PIK3C2G: variants seen among roughly 807,000 people sequenced by gnomAD.
The protein encoded by PIK3C2G is phosphatidylinositol 3-kinase C2 domain-containing subunit gamma.
PIK3C2G carries 168 observed loss-of-function variants against 181.1 expected under a neutral mutation model. The observed-to-expected ratio is 0.93, with a 90% CI of 0.82 to 1.05. The LOEUF (loss-of-function observed/expected upper bound fraction) is 1.05, where lower values mean the gene tolerates loss of function less well. PIK3C2G is among the 50% of genes least tolerant of loss of function. The pLI is 0.00. For synonymous variants in PIK3C2G, 573 were observed against 592.2 expected (o/e 0.97, Z 0.47); for missense variants, 1,869 against 1,732.8 (o/e 1.08, Z -1.40).
chr12:18,282,644 C>T lies in PIK3C2G; in HGVS notation c.563C>T (p.Pro188Leu), dbSNP rs747513676. ...TNSSFSSDFMPKEENKRSGHV... is the reference protein window; with the variant it reads ...TNSSFSSDFMLKEENKRSGHV... ...TCATCCTTCTCAAGTGACTTCATGC[C>T]GAAAGAAGAGAATAAAAGGAGTGGA... The change falls in exon 2 of 33, where the codon CCG (proline) becomes CTG (leucine). Residue 188 changes from proline to leucine, a missense_variant. Transcript: ENST00000538779. The T allele has an allele frequency of 4.2e-5, 68 of 1,612,856 alleles. 1 individual carries two copies. Among genetic ancestry groups the T allele is most frequent in the African/African-American group, 8.0e-5 (6 of 74,830 alleles).
chr12:18,669,697 A>C, the PIK3C2G span, among the ~76,000 whole-genome samples: 1 of 151,570 alleles, frequency 6.6e-6, no homozygotes, highest in East Asian at 1.9e-4. Context: ...TCGCTCTGTC[A>C]CCCAGGCTAG....
chr12:18,449,797 T>C (rs1947248644), intron 18 of PIK3C2G, among the ~76,000 whole-genome samples: 1 of 152,200 alleles, frequency 6.6e-6, no homozygotes, highest in Non-Finnish European at 1.5e-5. Context: ...GAGTGATTTG[T>C]ATTCCTTTGG....
intron 24 of PIK3C2G, among the ~76,000 whole-genome samples, chr12:18,521,983 G>C (rs921736021): frequency 6.6e-6 from 1 of 152,088 alleles, no homozygotes; most frequent in Admixed American, 6.6e-5. Flanking sequence ...CCCTTGGCTG[G>C]GGGGTGGGGG....
At chr12:18,701,560 G>C in the PIK3C2G span, 1 of 1,613,424 alleles carries the variant, frequency 6.2e-7, no homozygotes, top group African/African-American at 1.3e-5. Flanking sequence ...TCCTTGTCTT[G>C]ATTGTCTCCT....
At chr12:18,719,616 T>C in the PIK3C2G span, 1 of 1,600,738 alleles carries the variant, frequency 6.2e-7, no homozygotes, top group Non-Finnish European at 8.5e-7. Flanking sequence ...CTAATGACAT[T>C]TGGTGTGCTT....
chr12:18,273,079 G>T (rs1023477033), intron 1 of PIK3C2G, among the ~76,000 whole-genome samples: 1 of 151,774 alleles, frequency 6.6e-6, no homozygotes, highest in African/African-American at 2.4e-5. Context: ...GAGATGCTGG[G>T]GATGCTAGAA....
the PIK3C2G span, chr12:18,705,406 T>G: frequency 6.7e-7 from 1 of 1,494,708 alleles, no homozygotes; most frequent in Non-Finnish European, 9.3e-7. Context: ...TTTTAAAACT[T>G]ACTTCTAACG....
the PIK3C2G span, among the ~76,000 whole-genome samples, chr12:18,655,851 G>A: frequency 2.0e-5 from 3 of 151,358 alleles, no homozygotes; most frequent in African/African-American, 7.3e-5. Context: ...AAAAAGCAAA[G>A]AATGCCTGAG....
intron 29 of PIK3C2G, among the ~76,000 whole-genome samples, chr12:18,574,723 G>A (rs1946141873): frequency 6.6e-6 from 1 of 152,160 alleles, no homozygotes; most frequent in African/African-American, 2.4e-5. Flanking sequence ...CATTGTAACA[G>A]TAGGAAAACA....
chr12:18,448,407 G>C (rs1404602941), intron 18 of PIK3C2G, among the ~76,000 whole-genome samples: 2 of 152,064 alleles, frequency 1.3e-5, no homozygotes, highest in African/African-American at 4.8e-5. Flanking sequence ...TTTGGGATAA[G>C]AGCACTTAAA....
chr12:18,703,319 G>C, the PIK3C2G span, among the ~76,000 whole-genome samples: 1 of 152,002 alleles, frequency 6.6e-6, no homozygotes, highest in South Asian at 2.1e-4. Flanking sequence ...CTTGTCACTA[G>C]TGTCACAACA....
chr12:18,337,983 G>A (rs758972435), intron 8 of PIK3C2G, among the ~76,000 whole-genome samples: 1 of 152,096 alleles, frequency 6.6e-6, no homozygotes, highest in Non-Finnish European at 1.5e-5. Context: ...CAAACAATAG[G>A]TGTATTTTGA....
chr12:18,476,631 C>G (rs1263981919), intron 18 of PIK3C2G, among the ~76,000 whole-genome samples: 1 of 151,838 alleles, frequency 6.6e-6, no homozygotes. Context: ...GAAGGTAAAC[C>G]TAATAGGACA....
At chr12:18,312,428 A>G (rs1950677965) in intron 5 of PIK3C2G, among the ~76,000 whole-genome samples, 1 of 152,188 alleles carries the variant, frequency 6.6e-6, no homozygotes, top group South Asian at 2.1e-4. Context: ...ATGGGTCACT[A>G]TTCTTAAGTC....
chr12:18,596,800 G>A (rs187288855), intron 30 of PIK3C2G, among the ~76,000 whole-genome samples: 2 of 152,126 alleles, frequency 1.3e-5, no homozygotes, highest in Non-Finnish European at 2.9e-5. Flanking sequence ...CTAGCTACTC[G>A]CTCTGGCAGA....
At position 18,570,709 on chromosome 12, in the gene PIK3C2G, A is replaced by G. The variant is rs138257034; in HGVS notation, c.4011+3652A>G. On this transcript the variant is annotated intron_variant, in intron 29 of 32. Coordinates refer to ENST00000538779, the MANE Select transcript of PIK3C2G (RefSeq NM_001288772.2). Reference sequence around the variant, plus strand: ...AGTTGAATGGTGACTGAAGTTAGTCATTGTAGCATATCTATGCAATGCAAG... The same window carrying G: ...AGTTGAATGGTGACTGAAGTTAGTCGTTGTAGCATATCTATGCAATGCAAG... 3.3e-3 allele frequency among the ~76,000 whole-genome samples: 498 copies of G among 150,348 alleles called. 46 individuals are homozygous for G. Among genetic ancestry groups the G allele is most frequent in the African/African-American group, 0.012 (479 of 40,062 alleles).
chr12:18,328,289 C>T (rs1951436016), intron 8 of PIK3C2G, among the ~76,000 whole-genome samples: 1 of 151,882 alleles, frequency 6.6e-6, no homozygotes, highest in Non-Finnish European at 1.5e-5. Context: ...TATGACATCT[C>T]TAGTGTTCAG....
chr12:18,319,203 G>C (rs1229212210), intron 6 of PIK3C2G, among the ~76,000 whole-genome samples: 1 of 152,068 alleles, frequency 6.6e-6, no homozygotes, highest in Non-Finnish European at 1.5e-5. Flanking sequence ...TTTTAAATTG[G>C]TTTCCCTTTT....
At chr12:18,303,879 A>T (rs1236050194) in intron 5 of PIK3C2G, among the ~76,000 whole-genome samples, 1 of 152,070 alleles carries the variant, frequency 6.6e-6, no homozygotes, top group South Asian at 2.1e-4. Flanking sequence ...AAATGAAACA[A>T]TTTTTTTATT....
Sources: allele counts gnomAD v4.1 joint callset (sites outside exome capture counted in the v4.1 genomes callset), GRCh38; gene constraint gnomAD v4.1.1; transcripts MANE v1.5; gene names NCBI Gene and HGNC (gene_info 2026-07-23, HGNC 2026-07-21).